NEGR1: variants seen among roughly 807,000 people sequenced by gnomAD.
NEGR1 encodes neuronal growth regulator 1.
Under a neutral mutation model 40.9 loss-of-function variants are expected in NEGR1, and 10 were observed. The observed-to-expected ratio is 0.24, with a 90% confidence interval of 0.15 to 0.42. The LOEUF (loss-of-function observed/expected upper bound fraction) is 0.42. Ranked by LOEUF, NEGR1 falls within the 10% of genes least tolerant of loss-of-function variation. The pLI is 1.00. For synonymous variants in NEGR1, 185 were observed against 166.8 expected (o/e 1.11, Z -0.84); for missense variants, 352 against 438.9 (o/e 0.80, Z 1.77).
chr1:72,178,902 T>C (rs12748679), intron 1 of NEGR1, among the ~76,000 whole-genome samples: 19,598 of 151,878 alleles, frequency 0.13, 1,655 homozygotes, highest in Non-Finnish European at 0.19. Context: ...ATGGGGTTGG[T>C]TCTGCTTGTT....
chr1:71,920,508 T>C (rs1015808810), intron 2 of NEGR1, among the ~76,000 whole-genome samples: 5 of 152,178 alleles, frequency 3.3e-5, no homozygotes, highest in African/African-American at 1.2e-4. Context: ...TTATGTGCCC[T>C]ATATATACAT....
At chr1:71,533,690 A>G (rs1355718266) in intron 6 of NEGR1, among the ~76,000 whole-genome samples, 1 of 151,638 alleles carries the variant, frequency 6.6e-6, no homozygotes, top group African/African-American at 2.4e-5. Flanking sequence ...ATTTTAAACA[A>G]TGTATATAGT....
chr1:71,423,603 A>T lies in NEGR1; in HGVS notation c.941-16033T>A, dbSNP rs117901043. On this transcript the variant is annotated intron_variant, in intron 6 of 6. Coordinates refer to ENST00000357731, the MANE Select transcript of NEGR1 (RefSeq NM_173808.3). ...GAGGTCCTTTTCCAGCATTTCAAAA[A>T]ATGTGGGAAAAACTAGTCTCTTCTA... Among the ~76,000 whole-genome samples, 94 of 152,284 alleles carry T rather than the reference A, an allele frequency of 6.2e-4. 2 individuals are homozygous for T. The East Asian group carries it at 0.014, about 23-fold the overall frequency.
intron 1 of NEGR1, among the ~76,000 whole-genome samples, chr1:72,096,200 A>T (rs1189125415): frequency 6.6e-6 from 1 of 152,158 alleles, no homozygotes; most frequent in Non-Finnish European, 1.5e-5. Context: ...GTGAACATGA[A>T]CTTCATGTCA....
At chr1:72,093,849 A>G (rs1261447350) in intron 1 of NEGR1, among the ~76,000 whole-genome samples, 2 of 152,224 alleles carry the variant, frequency 1.3e-5, no homozygotes, top group Non-Finnish European at 2.9e-5. Context: ...ATGCTGTTCA[A>G]CCAGCAAACA....
chr1:72,035,814 A>G (rs892374066), intron 1 of NEGR1, among the ~76,000 whole-genome samples: 1 of 152,162 alleles, frequency 6.6e-6, no homozygotes, highest in Non-Finnish European at 1.5e-5. Context: ...TACAGCCCCA[A>G]TTTTACATAT....
intron 6 of NEGR1, among the ~76,000 whole-genome samples, chr1:71,450,382 G>A (rs1026283882): frequency 7.0e-6 from 1 of 143,328 alleles, no homozygotes; most frequent in Non-Finnish European, 1.6e-5. Context: ...CAAAGTAATT[G>A]TAACTCTATC....
At chr1:71,578,218 T>C (rs1419636442) in intron 6 of NEGR1, among the ~76,000 whole-genome samples, 1 of 152,146 alleles carries the variant, frequency 6.6e-6, no homozygotes, top group Non-Finnish European at 1.5e-5. Flanking sequence ...GCTCCTATTA[T>C]AACCAGTTTT....
intron 4 of NEGR1, among the ~76,000 whole-genome samples, chr1:71,677,808 C>T (rs1312460106): frequency 3.3e-5 from 5 of 152,154 alleles, no homozygotes; most frequent in Non-Finnish European, 4.4e-5. Context: ...AGTCTAGCTT[C>T]GTATGACATT....
At chr1:72,269,892 C>CA (rs1364018338) in intron 1 of NEGR1, among the ~76,000 whole-genome samples, 22 of 151,568 alleles carry the variant, frequency 1.5e-4, no homozygotes, top group Non-Finnish European at 4.4e-5. Flanking sequence ...CTCATTTAAA[C>CA]AATTTCACGT....
chr1:72,077,517 C>T (rs1437065014), intron 1 of NEGR1, among the ~76,000 whole-genome samples: 1 of 151,958 alleles, frequency 6.6e-6, no homozygotes, highest in South Asian at 2.1e-4. Flanking sequence ...TTGCTGGGTG[C>T]AGTAGTTCAT....
intron 6 of NEGR1, among the ~76,000 whole-genome samples, chr1:71,532,046 C>A (rs1647372433): frequency 6.6e-6 from 1 of 151,452 alleles, no homozygotes; most frequent in African/African-American, 2.4e-5. Flanking sequence ...TATGTGTAGG[C>A]AGCACCAACA....
chr1:71,920,683 T>C (rs1645709298), intron 2 of NEGR1, among the ~76,000 whole-genome samples: 1 of 152,224 alleles, frequency 6.6e-6, no homozygotes, highest in South Asian at 2.1e-4. Flanking sequence ...TCAAAGGATG[T>C]GGCTAAGTTG....
At chr1:71,932,955 T>A (rs1645868935) in intron 2 of NEGR1, among the ~76,000 whole-genome samples, 1 of 152,160 alleles carries the variant, frequency 6.6e-6, no homozygotes, top group Non-Finnish European at 1.5e-5. Context: ...CTGAACTTTA[T>A]TAATGTAATT....
chr1:71,474,517 TACACACACAC>T (rs57225665), intron 6 of NEGR1, among the ~76,000 whole-genome samples: 251 of 115,442 alleles, frequency 2.2e-3, no homozygotes, highest in Middle Eastern at 0.01. Flanking sequence ...CTACTAACAA[TACACACACAC>T]ACACACACAC....
At chr1:71,673,096 T>A (rs1185876707) in intron 4 of NEGR1, among the ~76,000 whole-genome samples, 1 of 151,746 alleles carries the variant, frequency 6.6e-6, no homozygotes, top group African/African-American at 2.4e-5. Context: ...AAAATTAGCC[T>A]GGCATTTTGG....
intron 4 of NEGR1, among the ~76,000 whole-genome samples, chr1:71,627,903 A>G (rs1315893774): frequency 1.3e-5 from 2 of 152,068 alleles, no homozygotes; most frequent in African/African-American, 2.4e-5. Flanking sequence ...ATGTGAATGA[A>G]GATAACCATA....
chr1:72,099,207 C>T (rs977864389), intron 1 of NEGR1, among the ~76,000 whole-genome samples: 8 of 151,726 alleles, frequency 5.3e-5, no homozygotes, highest in Non-Finnish European at 4.4e-5. Context: ...ATTTTCATAG[C>T]ATTTTAAAAA....
In NEGR1 at chr1:72,232,672, G is replaced by A. The variant is rs146386163; in HGVS notation, c.176+49647C>T. On this transcript the variant is annotated intron_variant, in intron 1 of 6. Coordinates refer to ENST00000357731, the MANE Select transcript of NEGR1 (RefSeq NM_173808.3). Reference sequence around the variant, plus strand: ...GGGCCCTTTTTTTCACTTTTATCAAGTGTTTTTTTGTTTATCTGGAAGGAC... The same window carrying A: ...GGGCCCTTTTTTTCACTTTTATCAAATGTTTTTTTGTTTATCTGGAAGGAC... Among the ~76,000 whole-genome samples, 1,073 of 152,034 alleles carry A rather than the reference G, an allele frequency of 7.1e-3. 9 individuals are homozygous for A. Among genetic ancestry groups the A allele is most frequent in the African/African-American group, 0.024 (1,006 of 41,478 alleles).
Sources: allele counts gnomAD v4.1 joint callset (sites outside exome capture counted in the v4.1 genomes callset), GRCh38; gene constraint gnomAD v4.1.1; transcripts MANE v1.5; gene names NCBI Gene and HGNC (gene_info 2026-07-23, HGNC 2026-07-21).